PER2: variants seen among roughly 807,000 people sequenced by gnomAD.
The protein encoded by PER2 is period circadian protein homolog 2.
Under a neutral mutation model 121.0 loss-of-function variants are expected in PER2, and 66 were observed. That is an observed-to-expected ratio of 0.55 (90% CI 0.45 to 0.67). The LOEUF is 0.67. Ranked by LOEUF, PER2 falls within the 30% of genes least tolerant of loss-of-function variation. PER2 has a pLI of 0.00. For missense variants in PER2, 1,521 were observed against 1,635.0 expected, an observed-to-expected ratio of 0.93 and a Z score of 1.20; for synonymous variants, 684 against 659.9, an observed-to-expected ratio of 1.04 and a Z score of -0.56.
intron 8 of PER2, among the ~76,000 whole-genome samples, chr2:238,266,284 A>G (rs1256018625): frequency 6.6e-6 from 1 of 150,860 alleles, no homozygotes; most frequent in South Asian, 2.1e-4. Context: ...TTGGATTCAA[A>G]TTTCTTTTTT....
intron 1 of PER2, among the ~76,000 whole-genome samples, chr2:238,286,755 G>A (rs1216841697): frequency 3.3e-5 from 5 of 152,386 alleles, no homozygotes; most frequent in Admixed American, 6.5e-5. Flanking sequence ...TGACAGAGCC[G>A]TGGTTTGCCG....
At position 238,251,742 on chromosome 2, in the gene PER2, G is replaced by A. The variant is rs757844403; in HGVS notation, c.3131C>T (p.Thr1044Ile). Reference sequence around the variant, plus strand: ...CGTGGAAAGGGCGTCACTGTTCTGTGTGTCTGAGGGTTCATCACGCTTTAG... The same window carrying A: ...CGTGGAAAGGGCGTCACTGTTCTGTATGTCTGAGGGTTCATCACGCTTTAG... ...APLTRDEPSD[T>I]QNSDALSTSS... is the part of the protein sequence containing the mutation. The change falls in exon 20 of 23, where the codon ACA becomes ATA. Residue 1044 changes from threonine (T) to isoleucine (I), a missense_variant. By Grantham distance (89) the Thr-to-Ile change is moderately conservative. Coordinates refer to ENST00000254657, the MANE Select transcript of PER2 (RefSeq NM_022817.3). 1.9e-6 allele frequency: 3 copies of A among 1,611,076 alleles called. No individual in the cohort carries two copies. Among genetic ancestry groups the A allele is most frequent in the Non-Finnish European group, 2.5e-6 (3 of 1,178,690 alleles).
In PER2 at chr2:238,255,855, C is replaced by T. The variant is rs1424338696; in HGVS notation, c.2122G>A (p.Ala708Thr). The T allele has an allele frequency of 6.2e-7, 1 of 1,614,104 alleles. No homozygotes were observed. The highest frequency in any genetic ancestry group is 1.3e-5 in the African/African-American group (1 of 74,938). The stretch of plus-strand genomic sequence containing the variant: ...TCTTGGCTGAGACCACAGGCCAGGG[C>T]AGGGCCCGCCAGGCAGTCCAGGGAT... ...PESLDCLAGP[A>T]LACGLSQEKE... The change falls in exon 18 of 23, where the codon GCC (alanine) becomes ACC (threonine). Residue 708 changes from alanine to threonine, a missense_variant. Coordinates refer to ENST00000254657, the MANE Select transcript of PER2 (RefSeq NM_022817.3).
In PER2 at chr2:238,258,303, T is replaced by A. The variant is rs371482775; in HGVS notation, c.1873A>T (p.Thr625Ser). 2.5e-6 allele frequency: 4 copies of A among 1,614,102 alleles called. No individual in the cohort carries two copies. The highest frequency in any genetic ancestry group is 3.4e-6 in the Non-Finnish European group (4 of 1,180,040). ...ALRSSDKRKA[T>S]VSPGPHAGEA... Reference sequence around the variant, plus strand: ...CCAGCGTGTGGCCCTGGGCTGACTGTGGCCTTCCGCTTATCACTGGACCTT... The same window carrying A: ...CCAGCGTGTGGCCCTGGGCTGACTGAGGCCTTCCGCTTATCACTGGACCTT... Residue 625 changes from threonine (T) to serine (S), a missense_variant, in exon 16 of 23, where the codon ACA (threonine) becomes TCA (serine). By Grantham distance (58) the Thr-to-Ser change is moderately conservative (BLOSUM62 1). Coordinates refer to ENST00000254657, the MANE Select transcript of PER2 (RefSeq NM_022817.3).
At chr2:238,263,111 T>C (rs575381834) in intron 9 of PER2, 53 bp from the exon 10 acceptor site, 13 of 1,063,534 alleles carry the variant, frequency 1.2e-5, no homozygotes, top group African/African-American at 7.8e-5. Flanking sequence ...GATGAGGAGA[T>C]TGTCACTAAG....
chr2:238,292,576 G>A (rs1465020045), upstream of PER2, among the ~76,000 whole-genome samples: 2 of 152,180 alleles, frequency 1.3e-5, no homozygotes, highest in African/African-American at 4.8e-5. Context: ...GAAGTGTTCA[G>A]TATTTCACCA....
At position 238,278,100 on chromosome 2, in the gene PER2, C is replaced by CTT. The variant is rs1013180744; in HGVS notation, c.-19-146_-19-145insAA. 317 of 949,578 alleles carry CTT rather than the reference C, an allele frequency of 3.3e-4. 2 individuals are homozygous for CTT. The South Asian group carries it at 3.3e-3, about 10-fold the overall frequency. The allele number at this position is 949,578 out of a possible 1,614,324, so 58.8% of individuals were successfully genotyped here. ...TTCTTCTCTCTGTCTCTCTCTCTCT[C>CTT]TCTTTCTTTCTTTCTACTTTGGAGA... is the stretch of plus-strand genomic sequence containing the variant. On this transcript the variant is annotated intron_variant, in intron 1 of 22. Transcript: ENST00000254657.
In PER2 at chr2:238,253,338, A is replaced by G. The variant is rs1223677982; in HGVS notation, c.2685T>C (p.Pro895=). ...TGACAGGCGCCAAAGGGGCAGGGAA[A>G]GGTGGGGGCTGGACTGCAAACTGGT... The part of the protein sequence containing the change: ...LQHQFAVQPP[P]FPAPLAPVMA... Residue 895 remains proline (P), a synonymous_variant, in exon 19 of 23, where the codon CCT becomes CCC. Transcript: ENST00000254657. This position sits in a 1 kb window ranked among gnomAD's most constrained non-coding sequence, Gnocchi z 5.6. 1.2e-6 allele frequency: 2 copies of G among 1,613,640 alleles called. No homozygotes were observed. Among genetic ancestry groups the G allele is most frequent in the Non-Finnish European group, 1.7e-6 (2 of 1,179,796 alleles).
At chr2:238,295,902 CG>C in the PER2 span, 1 of 220,400 alleles carries the variant, frequency 4.5e-6, no homozygotes. Flanking sequence ...CACCCACACC[CG>C]GGGAACTCTT....
intron 8 of PER2, among the ~76,000 whole-genome samples, chr2:238,266,480 G>C (rs1659842710): frequency 6.6e-6 from 1 of 152,106 alleles, no homozygotes; most frequent in Non-Finnish European, 1.5e-5. Flanking sequence ...TTAGAAACTA[G>C]ACAAAGGTGG....
chr2:238,284,937 C>G (rs35390666), intron 1 of PER2, among the ~76,000 whole-genome samples: 2 of 149,672 alleles, frequency 1.3e-5, no homozygotes, highest in African/African-American at 2.5e-5. Flanking sequence ...CTGCCCTCCA[C>G]AGATGTGTGC....
At chr2:238,286,496 G>C (rs1235019761) in intron 1 of PER2, among the ~76,000 whole-genome samples, 1 of 152,146 alleles carries the variant, frequency 6.6e-6, no homozygotes, top group Non-Finnish European at 1.5e-5. Context: ...AGGAGGGCCT[G>C]GTCCCTAGGG....
chr2:238,282,503 C>T (rs1225455167), intron 1 of PER2, among the ~76,000 whole-genome samples: 1 of 152,244 alleles, frequency 6.6e-6, no homozygotes, highest in Non-Finnish European at 1.5e-5. Context: ...ACTATGAATA[C>T]TATACACCCA....
At chr2:238,284,717 C>T (rs889553722) in intron 1 of PER2, among the ~76,000 whole-genome samples, 1 of 152,190 alleles carries the variant, frequency 6.6e-6, no homozygotes, top group Non-Finnish European at 1.5e-5. Context: ...TGTCTAAATA[C>T]GATTCACTGG....
At chr2:238,270,037 G>A (rs1696236898) in intron 6 of PER2, among the ~76,000 whole-genome samples, 1 of 152,162 alleles carries the variant, frequency 6.6e-6, no homozygotes, top group Non-Finnish European at 1.5e-5. Context: ...TTGTCTCATC[G>A]CCACCCACAA....
Position 238,277,127 on chromosome 2 carries a change from T to C in PER2, c.293+4A>G, listed in dbSNP as rs766586445. 2 of 1,602,072 alleles carry C rather than the reference T, an allele frequency of 1.2e-6. No individual in the cohort carries two copies. Among genetic ancestry groups the C allele is most frequent in the Non-Finnish European group, 1.7e-6 (2 of 1,168,970 alleles). On this transcript the variant is annotated splice_donor_region_variant and intron_variant, in intron 3 of 22. Coordinates refer to ENST00000254657, the MANE Select transcript of PER2 (RefSeq NM_022817.3). ...TCTATGTATGAAGTTCTAATTGGCCTTACCTGCAGCCACTTGTAGATGGGT... is the reference window on the plus strand; with the variant it reads ...TCTATGTATGAAGTTCTAATTGGCCCTACCTGCAGCCACTTGTAGATGGGT...
chr2:238,297,532 C>T, the PER2 span, among the ~76,000 whole-genome samples: 3,331 of 152,312 alleles, frequency 0.022, 113 homozygotes, highest in African/African-American at 0.076. Flanking sequence ...TCGCCTGGAT[C>T]TGGGCTTCCC....
chr2:238,254,979 C>A (rs1695717877), intron 18 of PER2: 1 of 152,476 alleles, frequency 6.6e-6, no homozygotes, highest in Non-Finnish European at 1.5e-5. Flanking sequence ...GTGCCAGCGT[C>A]CCAGGGGGAA....
intron 11 of PER2, among the ~76,000 whole-genome samples, 175 bp from the exon 12 acceptor site, chr2:238,262,012 G>A (rs1695949036): frequency 6.6e-6 from 1 of 152,054 alleles, no homozygotes; most frequent in South Asian, 2.1e-4. Flanking sequence ...CCTCCCACTT[G>A]GGGGCAGAGG....
Sources: allele counts gnomAD v4.1 joint callset (sites outside exome capture counted in the v4.1 genomes callset), GRCh38; gene constraint gnomAD v4.1.1; non-coding constraint Gnocchi (gnomAD v3.1); transcripts MANE v1.5; gene names NCBI Gene and HGNC (gene_info 2026-07-23, HGNC 2026-07-21).